The following PTPRT variants were observed in gnomAD, a reference collection of about 807,000 sequenced individuals.
PTPRT encodes the protein protein tyrosine phosphatase receptor type T, also known as receptor-type tyrosine-protein phosphatase T.
In PTPRT, 56 loss-of-function variants were observed where a neutral mutation model predicts 176.8. The observed-to-expected ratio is 0.32, with a 90% confidence interval of 0.26 to 0.40. The LOEUF (loss-of-function observed/expected upper bound fraction) is 0.40. Ranked by LOEUF, PTPRT falls within the 10% of genes least tolerant of loss-of-function variation. PTPRT has a pLI of 1.00. For synonymous variants in PTPRT, 783 were observed against 739.0 expected (o/e 1.06, Z -0.96); for missense variants, 1,540 against 1,908.2 (o/e 0.81, Z 3.60).
chr20:42,042,990 G>T, the PTPRT span, among the ~76,000 whole-genome samples: 2 of 152,334 alleles, frequency 1.3e-5, no homozygotes, highest in East Asian at 3.9e-4. Context: ...CCGCTTTTTA[G>T]AGAGACTGAT....
chr20:42,658,132 T>C (rs1477932753), intron 7 of PTPRT, among the ~76,000 whole-genome samples: 2 of 152,184 alleles, frequency 1.3e-5, no homozygotes, highest in Admixed American at 6.6e-5. Flanking sequence ...ATTGAACCCA[T>C]GGCTCCTAGG....
At chr20:42,906,049 A>G (rs1230993045) in intron 1 of PTPRT, among the ~76,000 whole-genome samples, 1 of 152,134 alleles carries the variant, frequency 6.6e-6, no homozygotes, top group Non-Finnish European at 1.5e-5. Context: ...ACATACTTAA[A>G]GTATATATAT....
At chr20:43,107,122 T>C (rs1329275059) in intron 1 of PTPRT, among the ~76,000 whole-genome samples, 1 of 152,184 alleles carries the variant, frequency 6.6e-6, no homozygotes, top group African/African-American at 2.4e-5. Context: ...TTTTTCTAAT[T>C]GTTTCTACTT....
At chr20:42,526,186 T>A (rs1388864870) in intron 7 of PTPRT, among the ~76,000 whole-genome samples, 3 of 152,228 alleles carry the variant, frequency 2.0e-5, no homozygotes, top group Non-Finnish European at 2.9e-5. Context: ...TAAGACTCTC[T>A]TAATTTCTGC....
chr20:42,121,544 C>T (rs73131127), intron 19 of PTPRT, among the ~76,000 whole-genome samples: 30,359 of 151,986 alleles, frequency 0.2, 3,945 homozygotes, highest in Non-Finnish European at 0.28. Context: ...ACTCAGCTGC[C>T]TGGGTTTGAA....
intron 13 of PTPRT, among the ~76,000 whole-genome samples, chr20:42,266,965 A>T (rs1456362230): frequency 6.6e-6 from 1 of 152,206 alleles, no homozygotes; most frequent in Admixed American, 6.5e-5. Flanking sequence ...ACAAAAAAAG[A>T]ATGTAAAATA....
At chr20:43,120,217 T>C (rs940659195) in intron 1 of PTPRT, among the ~76,000 whole-genome samples, 30 of 151,902 alleles carry the variant, frequency 2.0e-4, no homozygotes, top group Non-Finnish European at 4.4e-5. Flanking sequence ...AAGGGTGTTC[T>C]GCCATGATGG....
intron 11 of PTPRT, among the ~76,000 whole-genome samples, chr20:42,330,892 C>T (rs962232990): frequency 3.5e-4 from 53 of 152,288 alleles, no homozygotes; most frequent in African/African-American, 1.2e-3. Context: ...AATGCAGAGT[C>T]CCAGGCCCCA....
intron 1 of PTPRT, among the ~76,000 whole-genome samples, chr20:43,077,248 C>T (rs761032232): frequency 2.6e-5 from 4 of 152,214 alleles, no homozygotes; most frequent in Non-Finnish European, 5.9e-5. Context: ...CCAAGGGCTT[C>T]ATGTGCATTA....
intron 1 of PTPRT, among the ~76,000 whole-genome samples, chr20:43,010,567 AT>A (rs768826714): frequency 7.0e-4 from 106 of 152,340 alleles, no homozygotes; most frequent in Non-Finnish European, 1.1e-3. Flanking sequence ...GAGGTAAAGC[AT>A]TTAGCATGCA....
chr20:42,184,535 C>T (rs7361601), intron 16 of PTPRT, among the ~76,000 whole-genome samples: 7,332 of 36,184 alleles, frequency 0.2, 369 homozygotes, highest in African/African-American at 0.24. Flanking sequence ...CTTCTTCTTC[C>T]TCTTCCTCTT....
At chr20:42,098,395 T>C (rs1985508400) in intron 27 of PTPRT, 26 bp downstream of exon 27, 4 of 1,613,170 alleles carry the variant, frequency 2.5e-6, no homozygotes, top group Middle Eastern at 1.7e-4. Flanking sequence ...CTGACCCACC[T>C]AGGGCTTGGC....
intron 25 of PTPRT, 93 bp downstream of exon 25, chr20:42,104,476 A>G (rs1986238558): frequency 7.3e-7 from 1 of 1,369,644 alleles, no homozygotes; most frequent in Non-Finnish European, 1.0e-6. Flanking sequence ...GTAATGAATA[A>G]GTGTCTGTCA....
chr20:43,152,439 G>A (rs1234506760), intron 1 of PTPRT, among the ~76,000 whole-genome samples: 2 of 152,132 alleles, frequency 1.3e-5, no homozygotes, highest in South Asian at 4.1e-4. Context: ...GTCCTGATCT[G>A]GACCCACAGA....
At chr20:42,855,651 A>G (rs2078550716) in intron 2 of PTPRT, among the ~76,000 whole-genome samples, 1 of 145,922 alleles carries the variant, frequency 6.9e-6, no homozygotes, top group East Asian at 1.9e-4. Flanking sequence ...AGGCTTGTCT[A>G]GAACTCTTGA....
chr20:43,082,754 C>A (rs759451696), intron 1 of PTPRT, among the ~76,000 whole-genome samples: 4 of 151,894 alleles, frequency 2.6e-5, no homozygotes, highest in Non-Finnish European at 4.4e-5. Context: ...TAGAAATTGA[C>A]CCCCCCAAGT....
At chr20:43,065,353 G>C (rs374434639) in intron 1 of PTPRT, among the ~76,000 whole-genome samples, 53 of 152,174 alleles carry the variant, frequency 3.5e-4, no homozygotes, top group Non-Finnish European at 6.3e-4. Flanking sequence ...CAAGAGCCAG[G>C]CCTGAAAGTG....
chr20:42,417,627 A>T (rs1443475581), intron 9 of PTPRT, among the ~76,000 whole-genome samples: 1 of 151,192 alleles, frequency 6.6e-6, no homozygotes, highest in African/African-American at 2.4e-5. Context: ...ACAAGCTAAT[A>T]TCTGTTTTAA....
intron 9 of PTPRT, among the ~76,000 whole-genome samples, chr20:42,441,367 T>C (rs765740747): frequency 2.6e-5 from 4 of 151,818 alleles, no homozygotes; most frequent in Non-Finnish European, 5.9e-5. Flanking sequence ...TGACACAGAG[T>C]GGCGAGGGCT....
Sources: allele counts gnomAD v4.1 joint callset (sites outside exome capture counted in the v4.1 genomes callset), GRCh38; gene constraint gnomAD v4.1.1; transcripts MANE v1.5; gene names NCBI Gene and HGNC (gene_info 2026-07-23, HGNC 2026-07-21).